Variants in XYLT1 observed in about 807,000 individuals in gnomAD.
The protein encoded by XYLT1 is beta-D-xylosyltransferase 1.
A neutral mutation model predicts 91.3 loss-of-function variants in XYLT1; 36 were observed. That is an observed-to-expected ratio of 0.39 (90% CI 0.30 to 0.52). The LOEUF (loss-of-function observed/expected upper bound fraction) is 0.52, where lower values mean the gene tolerates loss of function less well. XYLT1 is among the 20% of genes least tolerant of loss of function. The pLI, the probability that XYLT1 is intolerant of heterozygous loss-of-function variation, is 0.68. For missense variants in XYLT1, 1,242 were observed against 1,284.5 expected (o/e 0.97, Z 0.51); for synonymous variants, 588 against 532.0 (o/e 1.11, Z -1.45).
At chr16:17,318,368 G>C (rs2034667742) in intron 2 of XYLT1, among the ~76,000 whole-genome samples, 1 of 151,784 alleles carries the variant, frequency 6.6e-6, no homozygotes, top group African/African-American at 2.4e-5. Flanking sequence ...ACCAGCACAT[G>C]GCTTTTCGGG....
At chr16:17,388,207 C>T (rs2035770910) in intron 1 of XYLT1, among the ~76,000 whole-genome samples, 3 of 152,154 alleles carry the variant, frequency 2.0e-5, no homozygotes, top group African/African-American at 4.8e-5. Flanking sequence ...GCAGACATGA[C>T]AGGATGCTAA....
At chr16:17,220,252 G>A (rs1288569659) in intron 3 of XYLT1, among the ~76,000 whole-genome samples, 2 of 152,126 alleles carry the variant, frequency 1.3e-5, no homozygotes, top group African/African-American at 4.8e-5. Flanking sequence ...AATGAGAAAG[G>A]CAGAGAAATG....
chr16:17,264,729 A>G (rs1166876300), intron 2 of XYLT1, among the ~76,000 whole-genome samples: 1 of 152,194 alleles, frequency 6.6e-6, no homozygotes, highest in Non-Finnish European at 1.5e-5. Context: ...ACCAAAACAG[A>G]CAGTATTAGT....
At chr16:17,445,553 C>T (rs1221313682) in intron 1 of XYLT1, among the ~76,000 whole-genome samples, 1 of 152,198 alleles carries the variant, frequency 6.6e-6, no homozygotes, top group Non-Finnish European at 1.5e-5. Flanking sequence ...ACCTGGGCTG[C>T]GTGGAGGCCT....
intron 5 of XYLT1, among the ~76,000 whole-genome samples, chr16:17,159,198 T>C (rs962014560): frequency 2.6e-5 from 4 of 152,190 alleles, no homozygotes; most frequent in African/African-American, 4.8e-5. Context: ...GAATCTCCAG[T>C]GCCTGGCACT....
At chr16:17,129,730 G>C (rs1412287319) in intron 9 of XYLT1, among the ~76,000 whole-genome samples, 2 of 152,172 alleles carry the variant, frequency 1.3e-5, no homozygotes, top group African/African-American at 4.8e-5. Context: ...CTGAGGAACT[G>C]AATTTTAAAT....
At chr16:17,340,104 C>A (rs904951645) in intron 2 of XYLT1, among the ~76,000 whole-genome samples, 9 of 152,002 alleles carry the variant, frequency 5.9e-5, no homozygotes, top group African/African-American at 2.2e-4. Context: ...GCCCACCCAT[C>A]CACCCACCCA....
At chr16:17,196,824 T>C (rs1360240090) in intron 5 of XYLT1, among the ~76,000 whole-genome samples, 4 of 151,738 alleles carry the variant, frequency 2.6e-5, no homozygotes, top group African/African-American at 9.7e-5. Context: ...ATCCCAGCAC[T>C]TTGGGAGGCC....
rs80105450 is a variant in XYLT1, at chr16:17,266,867, C to G, written c.403-7369G>C. ...GGACCTCCGTGCCAGGGTAGGCGAA[C>G]GGTGGAAGCACAGTGTGTGTGGCTG... On this transcript the variant is annotated intron_variant, in intron 2 of 11. Transcript: ENST00000261381. Among the ~76,000 whole-genome samples, 346 of 152,340 alleles carry G rather than the reference C, an allele frequency of 2.3e-3. 1 individual carries two copies. Among genetic ancestry groups the G allele is most frequent in the African/African-American group, 7.8e-3 (324 of 41,572 alleles).
At chr16:17,129,176 A>G (rs552065530) in intron 9 of XYLT1, among the ~76,000 whole-genome samples, 1 of 152,122 alleles carries the variant, frequency 6.6e-6, no homozygotes, top group East Asian at 1.9e-4. Context: ...TGGGAGTGGA[A>G]AGTCCAGCGA....
At chr16:17,441,388 C>CT (rs1318074568) in intron 1 of XYLT1, among the ~76,000 whole-genome samples, 2 of 151,884 alleles carry the variant, frequency 1.3e-5, no homozygotes, top group Non-Finnish European at 2.9e-5. Context: ...AAATATTGCA[C>CT]TAAAAAAAAG....
At chr16:17,371,260 G>A (rs1386164854) in intron 1 of XYLT1, among the ~76,000 whole-genome samples, 1 of 152,198 alleles carries the variant, frequency 6.6e-6, no homozygotes, top group East Asian at 1.9e-4. Context: ...CCCAGGACCA[G>A]GGACTATCTT....
intron 2 of XYLT1, among the ~76,000 whole-genome samples, chr16:17,273,597 A>G (rs1444131026): frequency 6.6e-6 from 1 of 152,116 alleles, no homozygotes; most frequent in African/African-American, 2.4e-5. Flanking sequence ...TAATCCCAGC[A>G]CTTTGGAAGT....
chr16:17,244,129 G>T (rs569604378), intron 3 of XYLT1, among the ~76,000 whole-genome samples: 1 of 152,118 alleles, frequency 6.6e-6, no homozygotes, highest in East Asian at 1.9e-4. Context: ...ATCAGGGAAA[G>T]GGCAGAACTA....
chr16:17,270,652 C>G (rs914086233), intron 2 of XYLT1, among the ~76,000 whole-genome samples: 1 of 152,330 alleles, frequency 6.6e-6, no homozygotes. Flanking sequence ...GATTACCTAC[C>G]AGGCACGGAG....
intron 2 of XYLT1, among the ~76,000 whole-genome samples, chr16:17,319,067 C>T (rs753286378): frequency 2.0e-5 from 3 of 152,164 alleles, no homozygotes; most frequent in Non-Finnish European, 4.4e-5. Context: ...GGATTACAAG[C>T]ATGAGCCACC....
intron 5 of XYLT1, among the ~76,000 whole-genome samples, chr16:17,178,177 C>G (rs574841215): frequency 6.6e-6 from 1 of 152,054 alleles, no homozygotes; most frequent in Admixed American, 6.6e-5. Context: ...TCCTCTCGGC[C>G]GCCCCTGGTC....
At chr16:17,158,684 A>G (rs1176087211) in intron 6 of XYLT1, 145 bp downstream of exon 6, 1 of 781,760 alleles carries the variant, frequency 1.3e-6, no homozygotes, top group East Asian at 2.5e-5. Context: ...GATCCCACGC[A>G]GACACAGCGA....
chr16:17,122,842 G>A (rs2030120259), intron 10 of XYLT1, among the ~76,000 whole-genome samples: 1 of 152,180 alleles, frequency 6.6e-6, no homozygotes, highest in Admixed American at 6.5e-5. Context: ...TGAATAGGGT[G>A]TTCTTTTCCC....
Sources: allele counts gnomAD v4.1 joint callset (sites outside exome capture counted in the v4.1 genomes callset), GRCh38; gene constraint gnomAD v4.1.1; transcripts MANE v1.5; gene names NCBI Gene and HGNC (gene_info 2026-07-23, HGNC 2026-07-21).